PALLD: variants seen among roughly 807,000 people sequenced by gnomAD.
The protein encoded by PALLD is palladin, cytoskeletal associated protein.
Under a neutral mutation model 123.5 loss-of-function variants are expected in PALLD, and 61 were observed. The ratio of observed to expected loss-of-function variants is 0.49; its 90% CI spans 0.40 to 0.61. PALLD has a LOEUF of 0.61. Ranked by LOEUF, PALLD falls within the 20% of genes least tolerant of loss-of-function variation. The pLI is 0.00. For missense variants in PALLD, 1,273 were observed against 1,377.0 expected (o/e 0.92, Z 1.20); for synonymous variants, 465 against 496.4 (o/e 0.94, Z 0.84).
At chr4:168,893,194 G>A (rs1280018993) in intron 11 of PALLD, among the ~76,000 whole-genome samples, 5 of 152,166 alleles carry the variant, frequency 3.3e-5, no homozygotes, top group African/African-American at 4.8e-5. Flanking sequence ...ACAATTCTCC[G>A]TGAAAAGATT....
At chr4:168,554,808 G>C (rs1767102746) in intron 2 of PALLD, among the ~76,000 whole-genome samples, 2 of 151,872 alleles carry the variant, frequency 1.3e-5, no homozygotes, top group African/African-American at 2.4e-5. Flanking sequence ...TCAGCTTTCA[G>C]GTTATCTCAA....
chr4:168,562,247 G>A (rs1767940602), intron 2 of PALLD, among the ~76,000 whole-genome samples: 1 of 152,128 alleles, frequency 6.6e-6, no homozygotes, highest in South Asian at 2.1e-4. Flanking sequence ...TATATTTCTG[G>A]CACTGTACTA....
chr4:168,776,658 T>G (rs1408189815), intron 10 of PALLD, among the ~76,000 whole-genome samples: 5 of 152,204 alleles, frequency 3.3e-5, no homozygotes, highest in Non-Finnish European at 7.4e-5. Context: ...CTTTATTAGA[T>G]TAAGGCAGTT....
chr4:168,780,791 G>A (rs1298988819), intron 10 of PALLD, among the ~76,000 whole-genome samples: 5 of 152,208 alleles, frequency 3.3e-5, no homozygotes, highest in South Asian at 2.1e-4. Context: ...AGGTTCTAGC[G>A]ATTCTCCTGC....
chr4:168,626,590 C>T (rs1213579646), intron 2 of PALLD, among the ~76,000 whole-genome samples: 2 of 150,834 alleles, frequency 1.3e-5, no homozygotes, highest in Non-Finnish European at 3.0e-5. Flanking sequence ...ACACGACTGT[C>T]GTCCCTGCTA....
chr4:168,895,133 T>G (rs1754831551), intron 12 of PALLD, among the ~76,000 whole-genome samples: 1 of 152,188 alleles, frequency 6.6e-6, no homozygotes, highest in African/African-American at 2.4e-5. Context: ...CCTGTAATTG[T>G]AGCACTTTGG....
At chr4:168,863,486 G>A (rs201819834) in intron 10 of PALLD, among the ~76,000 whole-genome samples, 8 of 152,308 alleles carry the variant, frequency 5.3e-5, no homozygotes, top group Admixed American at 1.3e-4. Context: ...CACCAAGGGC[G>A]GAGACAGGCA....
At chr4:168,889,951 T>G (rs1753923787) in intron 10 of PALLD, among the ~76,000 whole-genome samples, 1 of 152,246 alleles carries the variant, frequency 6.6e-6, no homozygotes, top group Non-Finnish European at 1.5e-5. Context: ...TCATATATAT[T>G]CTTCTGTGAC....
chr4:168,769,909 C>A (rs1313470840), intron 10 of PALLD, among the ~76,000 whole-genome samples: 1 of 152,206 alleles, frequency 6.6e-6, no homozygotes, highest in African/African-American at 2.4e-5. Context: ...TAAAATATTT[C>A]ATCTCTCCCA....
At chr4:168,857,770 A>G (rs1560804554) in intron 10 of PALLD, among the ~76,000 whole-genome samples, 1 of 152,242 alleles carries the variant, frequency 6.6e-6, no homozygotes, top group Non-Finnish European at 1.5e-5. Flanking sequence ...ATCAAGATCA[A>G]TCAGATACAA....
At chr4:168,594,633 C>A (rs1396307777) in intron 2 of PALLD, among the ~76,000 whole-genome samples, 1 of 152,032 alleles carries the variant, frequency 6.6e-6, no homozygotes, top group African/African-American at 2.4e-5. Flanking sequence ...CTCTCTGGTG[C>A]CCAATTGGGA....
At chr4:168,589,484 T>C (rs1410594128) in intron 2 of PALLD, among the ~76,000 whole-genome samples, 1 of 152,172 alleles carries the variant, frequency 6.6e-6, no homozygotes, top group Non-Finnish European at 1.5e-5. Flanking sequence ...TAAAGTGTTC[T>C]ATAACCGTGA....
chr4:168,800,410 A>G (rs746839701), intron 10 of PALLD, among the ~76,000 whole-genome samples: 2 of 152,212 alleles, frequency 1.3e-5, no homozygotes, highest in Non-Finnish European at 1.5e-5. Flanking sequence ...GTACAAATCA[A>G]TTTTTAAAAG....
At chr4:168,584,577 C>T (rs1770622512) in intron 2 of PALLD, among the ~76,000 whole-genome samples, 1 of 152,170 alleles carries the variant, frequency 6.6e-6, no homozygotes, top group Non-Finnish European at 1.5e-5. Context: ...AAATAAATGT[C>T]ACTTTTAAGG....
chr4:168,608,211 T>C (rs1163320553), intron 2 of PALLD, among the ~76,000 whole-genome samples: 8 of 152,152 alleles, frequency 5.3e-5, no homozygotes, highest in Non-Finnish European at 1.2e-4. Flanking sequence ...AGCAGATAAA[T>C]AGGAGCCCAT....
At chr4:168,785,130 G>A (rs551486553) in intron 10 of PALLD, among the ~76,000 whole-genome samples, 45 of 133,894 alleles carry the variant, frequency 3.4e-4, no homozygotes, top group African/African-American at 1.2e-3. Context: ...TGGGGCCCTG[G>A]CTGTGTTTCA....
intron 10 of PALLD, among the ~76,000 whole-genome samples, chr4:168,782,861 G>A (rs567761997): frequency 1.3e-5 from 2 of 152,094 alleles, no homozygotes; most frequent in African/African-American, 4.8e-5. Flanking sequence ...GTTGCAGTGA[G>A]CCGAGATCGC....
At chr4:168,793,783 A>C (rs951983483) in intron 10 of PALLD, among the ~76,000 whole-genome samples, 1 of 152,152 alleles carries the variant, frequency 6.6e-6, no homozygotes, top group East Asian at 1.9e-4. Flanking sequence ...CTTTCTCTGC[A>C]CTGGGTGAAA....
At chr4:168,553,298 A>G (rs1037678642) in intron 2 of PALLD, among the ~76,000 whole-genome samples, 2 of 152,204 alleles carry the variant, frequency 1.3e-5, no homozygotes, top group Admixed American at 6.5e-5. Context: ...AAAGCCTTAT[A>G]ATGTTGTAAT....
Sources: allele counts gnomAD v4.1 joint callset (sites outside exome capture counted in the v4.1 genomes callset), GRCh38; gene constraint gnomAD v4.1.1; transcripts MANE v1.5; gene names NCBI Gene and HGNC (gene_info 2026-07-23, HGNC 2026-07-21).